The following CADM2 variants were observed in gnomAD, a reference collection of about 807,000 sequenced individuals.
The protein encoded by CADM2 is cell adhesion molecule 2, also known as immunoglobulin superfamily member 4D.
A neutral mutation model predicts 49.8 loss-of-function variants in CADM2; 12 were observed. The ratio of observed to expected loss-of-function variants is 0.24; its 90% CI spans 0.15 to 0.39. The LOEUF is 0.39. Ranked by LOEUF, CADM2 falls within the 10% of genes least tolerant of loss-of-function variation. The probability of loss-of-function intolerance (pLI) is 1.00; values close to 1 mark genes in which losing one functional copy is unlikely to be tolerated. For missense variants in CADM2, 378 were observed against 492.3 expected, an observed-to-expected ratio of 0.77 and a Z score of 2.20; for synonymous variants, 214 against 175.4, an observed-to-expected ratio of 1.22 and a Z score of -1.74.
intron 1 of CADM2, among the ~76,000 whole-genome samples, chr3:85,499,339 G>T (rs1373751028): frequency 1.3e-5 from 2 of 151,964 alleles, no homozygotes; most frequent in South Asian, 2.1e-4. Flanking sequence ...TAGTAAAGAG[G>T]TCAGGTATTT....
intron 7 of CADM2, among the ~76,000 whole-genome samples, chr3:85,952,245 T>C (rs971391573): frequency 1.3e-5 from 2 of 150,866 alleles, no homozygotes; most frequent in Non-Finnish European, 3.0e-5. Context: ...AATTTTGAAA[T>C]AATTTTTTTC....
intron 8 of CADM2, among the ~76,000 whole-genome samples, chr3:85,975,989 A>G (rs887082476): frequency 6.6e-6 from 1 of 151,592 alleles, no homozygotes; most frequent in African/African-American, 2.4e-5. Context: ...TGACACTGCC[A>G]TGTCATATTA....
In CADM2 at chr3:85,541,727, TATA is replaced by T. The variant is rs1389007541; in HGVS notation, c.62-184794_62-184792del. 3.8e-5 allele frequency among the ~76,000 whole-genome samples: 5 copies of T among 130,634 alleles called. 1 individual carries two copies. Among genetic ancestry groups the T allele is most frequent in the African/African-American group, 1.5e-4 (5 of 33,242 alleles). The allele number at this position is 130,634 out of a possible 152,430, so 85.7% of individuals were successfully genotyped here. On this transcript the variant is annotated intron_variant, in intron 1 of 9. Transcript: ENST00000383699. ...ATATATATATTTTATATTATATATA[TATA>T]TTTTATATATATATTTTATATATTT...
At chr3:85,657,595 CATT>C (rs980236705) in intron 1 of CADM2, among the ~76,000 whole-genome samples, 1 of 150,678 alleles carries the variant, frequency 6.6e-6, no homozygotes, top group African/African-American at 2.4e-5. Flanking sequence ...TGGATATTTT[CATT>C]ATTACAAATA....
chr3:85,898,301 CA>C (rs1715550075), intron 5 of CADM2, among the ~76,000 whole-genome samples: 2 of 151,756 alleles, frequency 1.3e-5, no homozygotes, highest in Non-Finnish European at 2.9e-5. Flanking sequence ...ATATAATTGA[CA>C]AAAATCAATA....
At chr3:85,429,143 T>C (rs2107516930) in intron 1 of CADM2, among the ~76,000 whole-genome samples, 1 of 152,204 alleles carries the variant, frequency 6.6e-6, no homozygotes, top group African/African-American at 2.4e-5. Context: ...GAGAAGGTCC[T>C]GTATATGCTA....
Position 85,662,465 on chromosome 3 carries a change from C to A in CADM2, c.62-64057C>A, listed in dbSNP as rs1330646047. Among the ~76,000 whole-genome samples, 3 of 151,892 alleles carry A rather than the reference C, an allele frequency of 2.0e-5. No homozygotes were observed. In the East Asian group the frequency reaches 5.8e-4, roughly 29 times the overall value. On this transcript the variant is annotated intron_variant, in intron 1 of 9. Coordinates refer to ENST00000383699, the MANE Select transcript of CADM2 (RefSeq NM_001167675.2). ...TCCAAATTGAGTCCAGCATTTTCTTCGTAAAATAGAAAACTTCTCAAACCA... is the reference window on the plus strand; with the variant it reads ...TCCAAATTGAGTCCAGCATTTTCTTAGTAAAATAGAAAACTTCTCAAACCA...
chr3:85,641,623 G>A (rs2064716626), intron 1 of CADM2, among the ~76,000 whole-genome samples: 1 of 152,026 alleles, frequency 6.6e-6, no homozygotes, highest in African/African-American at 2.4e-5. Context: ...CAGGTATGAA[G>A]GTTAGAATGT....
intron 2 of CADM2, among the ~76,000 whole-genome samples, chr3:85,774,824 G>A (rs2070277496): frequency 1.3e-5 from 2 of 151,440 alleles, no homozygotes; most frequent in South Asian, 2.1e-4. Flanking sequence ...GAAAACACTC[G>A]GAAAGTAGCA....
chr3:85,946,202 C>T (rs1317933871), intron 7 of CADM2, among the ~76,000 whole-genome samples: 1 of 151,754 alleles, frequency 6.6e-6, no homozygotes, highest in Non-Finnish European at 1.5e-5. Context: ...GAATAAAATA[C>T]CTAGGAATCC....
intron 1 of CADM2, among the ~76,000 whole-genome samples, chr3:85,112,543 T>A (rs1384910674): frequency 1.3e-5 from 2 of 151,914 alleles, no homozygotes; most frequent in African/African-American, 4.8e-5. Context: ...TTTCACCCCG[T>A]ATAAAGTTGA....
chr3:85,627,062 G>C (rs2064150013), intron 1 of CADM2, among the ~76,000 whole-genome samples: 1 of 151,954 alleles, frequency 6.6e-6, no homozygotes, highest in African/African-American at 2.4e-5. Flanking sequence ...TGTCTGCATA[G>C]CTCTTTAGAA....
In CADM2 at chr3:85,769,466, AT is replaced by A. The variant is rs556334201; in HGVS notation, c.89-32580del. On this transcript the variant is annotated intron_variant, in intron 2 of 9. Coordinates refer to ENST00000383699, the MANE Select transcript of CADM2 (RefSeq NM_001167675.2). ...TACACGTATATACATATATACATAT[AT>A]AGTATATATACACGTATATACATAT... Among the ~76,000 whole-genome samples the A allele has an allele frequency of 4.2e-3, 325 of 78,054 alleles. 22 individuals are homozygous for A. The highest frequency in any genetic ancestry group is 0.014 in the Middle Eastern group (1 of 70). The allele number at this position is 78,054 out of a possible 152,430, so 51.2% of individuals were successfully genotyped here.
intron 1 of CADM2, among the ~76,000 whole-genome samples, chr3:85,145,992 C>A (rs2039727125): frequency 6.6e-6 from 1 of 152,084 alleles, no homozygotes; most frequent in Non-Finnish European, 1.5e-5. Flanking sequence ...AAGACAAATT[C>A]TTTGCGTTTG....
intron 8 of CADM2, among the ~76,000 whole-genome samples, chr3:86,040,111 G>GA (rs1017369670): frequency 2.6e-5 from 4 of 152,086 alleles, no homozygotes; most frequent in African/African-American, 9.7e-5. Flanking sequence ...ACCAAAGGTA[G>GA]AAAAAACCAC....
chr3:85,036,006 C>T (rs762904538), intron 1 of CADM2, among the ~76,000 whole-genome samples: 9 of 152,110 alleles, frequency 5.9e-5, no homozygotes, highest in Admixed American at 1.3e-4. Flanking sequence ...AGTTATTATC[C>T]ATTACATTAG....
At chr3:85,082,629 CG>C (rs1159642813) in intron 1 of CADM2, among the ~76,000 whole-genome samples, 1 of 152,028 alleles carries the variant, frequency 6.6e-6, no homozygotes, top group Non-Finnish European at 1.5e-5. Context: ...AACTAGGTGC[CG>C]GGGTGCTTGA....
intron 1 of CADM2, among the ~76,000 whole-genome samples, chr3:85,294,973 C>G (rs1334128266): frequency 6.6e-6 from 1 of 151,992 alleles, no homozygotes; most frequent in Non-Finnish European, 1.5e-5. Flanking sequence ...TTCTGCACAG[C>G]AAAAGAAACT....
intron 1 of CADM2, among the ~76,000 whole-genome samples, chr3:85,475,498 T>G (rs1295846525): frequency 6.6e-6 from 1 of 151,988 alleles, no homozygotes. Context: ...AGACTCATCT[T>G]TTTTCAGATT....
Sources: allele counts gnomAD v4.1 joint callset (sites outside exome capture counted in the v4.1 genomes callset), GRCh38; gene constraint gnomAD v4.1.1; transcripts MANE v1.5; gene names NCBI Gene and HGNC (gene_info 2026-07-23, HGNC 2026-07-21).